TLE4: variants seen among roughly 807,000 people sequenced by gnomAD.
The protein encoded by TLE4 is TLE family member 4, transcriptional corepressor.
TLE4 carries 8 observed loss-of-function variants against 92.8 expected under a neutral mutation model. That is an observed-to-expected ratio of 0.09 (90% CI 0.05 to 0.16). The LOEUF (loss-of-function observed/expected upper bound fraction) is 0.16, where lower values mean the gene tolerates loss of function less well. Among genes scored for constraint, TLE4 ranks in the 10% least tolerant of loss-of-function variants. The probability of loss-of-function intolerance (pLI) is 1.00; values close to 1 mark genes in which losing one functional copy is unlikely to be tolerated. For synonymous variants in TLE4, 371 were observed against 374.1 expected (o/e 0.99, Z 0.10); for missense variants, 675 against 997.6 (o/e 0.68, Z 4.36).
chr9:79,632,927 C>T (rs188771113), intron 6 of TLE4, among the ~76,000 whole-genome samples: 2 of 152,134 alleles, frequency 1.3e-5, no homozygotes, highest in African/African-American at 2.4e-5. Flanking sequence ...CTTGAAGATG[C>T]ACTCACTTGG....
At chr9:79,714,256 C>T (rs2074012845) in intron 14 of TLE4, among the ~76,000 whole-genome samples, 2 of 152,156 alleles carry the variant, frequency 1.3e-5, no homozygotes, top group Admixed American at 1.3e-4. Context: ...TCCCTTTATC[C>T]CTCAAAAATC....
chr9:79,615,593 A>G (rs919880863), intron 5 of TLE4, among the ~76,000 whole-genome samples: 6 of 152,040 alleles, frequency 3.9e-5, no homozygotes, highest in African/African-American at 9.7e-5. Flanking sequence ...GTTGATTAAT[A>G]TACCTGCTTA....
chr9:79,572,978 C>A (rs570598047), intron 1 of TLE4, 143 bp downstream of exon 1: 2 of 838,918 alleles, frequency 2.4e-6, no homozygotes, highest in South Asian at 3.9e-5. Flanking sequence ...GCAGCCCGCC[C>A]GCCATCACCC....
chr9:79,697,878 C>T (rs2068696363), intron 8 of TLE4, among the ~76,000 whole-genome samples: 1 of 152,054 alleles, frequency 6.6e-6, no homozygotes, highest in African/African-American at 2.4e-5. Flanking sequence ...AGGAGCCCTA[C>T]TGAAAAACAA....
intron 5 of TLE4, among the ~76,000 whole-genome samples, chr9:79,615,236 G>A (rs1196465068): frequency 6.6e-6 from 1 of 152,068 alleles, no homozygotes; most frequent in African/African-American, 2.4e-5. Context: ...TCTGTTTCCT[G>A]TCTCTTCAGA....
chr9:79,599,806 C>T (rs572763822), intron 4 of TLE4, among the ~76,000 whole-genome samples: 7 of 152,048 alleles, frequency 4.6e-5, no homozygotes, highest in African/African-American at 1.7e-4. Context: ...CTTTTTTTGT[C>T]CTTCCCTGAT....
intron 4 of TLE4, among the ~76,000 whole-genome samples, chr9:79,582,813 G>T (rs980486757): frequency 5.9e-5 from 9 of 152,056 alleles, no homozygotes; most frequent in African/African-American, 2.2e-4. Context: ...TCCAGCAATG[G>T]TGGTAGGTTC....
rs111777545 is a variant in TLE4, at chr9:79,598,524, A to G, written c.253-14132A>G. On this transcript the variant is annotated intron_variant, in intron 4 of 19. Transcript: ENST00000376552. ...CATTTTACCCTCAGTTACTCAGGGA[A>G]ATAGTCCTCTAAAAAGCATTTAAAA... 1.6e-3 allele frequency among the ~76,000 whole-genome samples: 247 copies of G among 152,314 alleles called. 1 individual carries two copies. The highest frequency in any genetic ancestry group is 5.6e-3 in the African/African-American group (234 of 41,568).
At chr9:79,719,022 G>A in intron 15 of TLE4, 51 bp downstream of exon 15, 7 of 1,566,354 alleles carry the variant, frequency 4.5e-6, no homozygotes, top group Non-Finnish European at 6.1e-6. Flanking sequence ...GAAAACAGGA[G>A]GGGCTGATGA....
At chr9:79,638,978 A>G (rs987627242) in intron 6 of TLE4, among the ~76,000 whole-genome samples, 3 of 152,136 alleles carry the variant, frequency 2.0e-5, no homozygotes, top group African/African-American at 4.8e-5. Context: ...TTCCTTACAG[A>G]AGAACTGTGG....
At chr9:79,619,835 A>G (rs1462355612) in intron 5 of TLE4, among the ~76,000 whole-genome samples, 1 of 152,208 alleles carries the variant, frequency 6.6e-6, no homozygotes, top group Non-Finnish European at 1.5e-5. Context: ...GGTTGTGGGC[A>G]TGGGTAACTT....
rs1260146251 is a variant in TLE4, at chr9:79,725,623, A to C, written c.*479A>C. 2 of 152,916 alleles carry C rather than the reference A, an allele frequency of 1.3e-5. No homozygotes were observed. Among genetic ancestry groups the C allele is most frequent in the Non-Finnish European group, 2.9e-5 (2 of 68,256 alleles). 9.5% of individuals were successfully genotyped at this position (152,916 alleles called of 1,614,324 possible). ...GACTGATGACTGTATAGAGATGTGA[A>C]ATGTATAATTACACATGGAAGCAAT... On this transcript the variant is annotated 3_prime_UTR_variant, in exon 20 of 20. Coordinates refer to ENST00000376552, the MANE Select transcript of TLE4 (RefSeq NM_007005.6).
At chr9:79,604,099 T>G (rs2046299130) in intron 4 of TLE4, among the ~76,000 whole-genome samples, 1 of 152,114 alleles carries the variant, frequency 6.6e-6, no homozygotes, top group Non-Finnish European at 1.5e-5. Flanking sequence ...GACAAAACTA[T>G]AATGGCCAGA....
At chr9:79,720,014 G>A in intron 15 of TLE4, 32 bp from the exon 16 acceptor site, 2 of 1,577,492 alleles carry the variant, frequency 1.3e-6, no homozygotes, top group Non-Finnish European at 1.7e-6. Context: ...CTTTCCTCAT[G>A]AGTAATCTCT....
At chr9:79,647,353 G>A (rs933145802) in intron 6 of TLE4, among the ~76,000 whole-genome samples, 3 of 151,968 alleles carry the variant, frequency 2.0e-5, no homozygotes, top group South Asian at 2.1e-4. Context: ...AAAGTTTAGT[G>A]GTAGTTATAT....
rs1251706475 is a variant in TLE4 at position 79,652,670 on chromosome 9, G to T, written c.468G>T (p.Gln156His). 2 of 1,614,134 alleles carry T rather than the reference G, an allele frequency of 1.2e-6. No homozygotes were observed. The highest frequency in any genetic ancestry group is 1.7e-6 in the Non-Finnish European group (2 of 1,180,018). ...VPLTPHPSGL[Q>H]PPAIPPIGSS... ...TGACTCCACACCCTTCAGGGCTCCA[G>T]CCCCCTGCCATTCCACCCATCGGTA... Residue 156 changes from glutamine (Q) to histidine (H), a missense_variant, in exon 7 of 20, where the codon CAG (glutamine) becomes CAT (histidine). This residue lies in a region of TLE4 where 280 missense variants were observed against 287.3 expected (regional missense o/e 0.97). Coordinates refer to ENST00000376552, the MANE Select transcript of TLE4 (RefSeq NM_007005.6).
chr9:79,695,058 C>G (rs945452550), intron 8 of TLE4, among the ~76,000 whole-genome samples: 3 of 152,114 alleles, frequency 2.0e-5, no homozygotes, highest in Non-Finnish European at 4.4e-5. Context: ...CTGTTGAAAA[C>G]TTTCCCTCTT....
chr9:79,717,048 G>A (rs2074637488), intron 14 of TLE4, among the ~76,000 whole-genome samples: 1 of 152,064 alleles, frequency 6.6e-6, no homozygotes, highest in Non-Finnish European at 1.5e-5. Flanking sequence ...TTCCTTAAAT[G>A]TCCACATTCT....
At chr9:79,675,417 G>A (rs1368186432) in intron 8 of TLE4, among the ~76,000 whole-genome samples, 3 of 152,132 alleles carry the variant, frequency 2.0e-5, no homozygotes, top group Admixed American at 1.3e-4. Flanking sequence ...TTAAGTTGAG[G>A]GCTGCATATC....
Sources: gnomAD v4.1 joint callset for allele counts (sites outside exome capture counted in the v4.1 genomes callset) on GRCh38, gnomAD v4.1.1 for gene constraint, gnomAD v4.1.1 regional missense constraint, MANE v1.5 for transcripts, NCBI Gene and HGNC (gene_info 2026-07-23, HGNC 2026-07-21) for gene names.